SLC15A2: variants seen among roughly 807,000 people sequenced by gnomAD.
SLC15A2 encodes kidney H(+)/peptide cotransporter.
Under a neutral mutation model 95.5 loss-of-function variants are expected in SLC15A2, and 77 were observed. The observed-to-expected ratio is 0.81, with a 90% confidence interval of 0.67 to 0.97. The LOEUF (loss-of-function observed/expected upper bound fraction) is 0.97. SLC15A2 is among the 50% of genes least tolerant of loss of function. The probability of loss-of-function intolerance (pLI) is 0.00; values close to 1 mark genes in which losing one functional copy is unlikely to be tolerated. For missense variants in SLC15A2, 893 were observed against 874.4 expected, an observed-to-expected ratio of 1.02 and a Z score of -0.27; for synonymous variants, 306 against 306.9, an observed-to-expected ratio of 1.00 and a Z score of 0.03.
rs781719515 is a variant in SLC15A2, at chr3:121,897,458, C to T, written c.264C>T (p.Ala88=). The T allele has an allele frequency of 7.4e-6, 12 of 1,614,066 alleles. No homozygotes were observed. Among genetic ancestry groups the T allele is most frequent in the Non-Finnish European group, 1.0e-5 (12 of 1,179,998 alleles). The change falls in exon 3 of 22, where the codon GCC becomes GCT. Residue 88 remains alanine, a synonymous_variant. Coordinates refer to ENST00000489711, the MANE Select transcript of SLC15A2 (RefSeq NM_021082.4). ...NEDTSTSIYH[A]FSSLCYFTPI... is the part of the protein sequence containing the mutation. ...ATACCTCCACATCTATATACCATGC[C>T]TTCAGCAGCCTCTGTTATTTTACTC...
intron 7 of SLC15A2, among the ~76,000 whole-genome samples, chr3:121,920,156 T>A (rs1483426924): frequency 6.6e-6 from 1 of 152,242 alleles, no homozygotes; most frequent in Non-Finnish European, 1.5e-5. Context: ...ACATAAGTCT[T>A]CCTATTATCA....
intron 2 of SLC15A2, 89 bp from the exon 3 acceptor site, chr3:121,897,299 A>T: frequency 6.7e-7 from 1 of 1,501,724 alleles, no homozygotes; most frequent in Non-Finnish European, 9.0e-7. Context: ...CATTATAAAG[A>T]CCAGAGATTA....
At chr3:121,919,417 C>T (rs1709962617) in intron 7 of SLC15A2, among the ~76,000 whole-genome samples, 1 of 152,072 alleles carries the variant, frequency 6.6e-6, no homozygotes, top group Non-Finnish European at 1.5e-5. Context: ...GCTCTGAGCT[C>T]CTAGAGGGGA....
chr3:121,936,282 T>C (rs867977723), intron 19 of SLC15A2, among the ~76,000 whole-genome samples: 2 of 152,270 alleles, frequency 1.3e-5, no homozygotes, highest in East Asian at 1.9e-4. Flanking sequence ...CTATTAGGTC[T>C]GCTTGGTGCA....
At chr3:121,918,687 T>C (rs1709944921) in intron 7 of SLC15A2, among the ~76,000 whole-genome samples, 1 of 152,208 alleles carries the variant, frequency 6.6e-6, no homozygotes, top group Admixed American at 6.5e-5. Flanking sequence ...GTAATAGCGT[T>C]ATCTTGGATA....
rs533775609 is a variant in SLC15A2 at position 121,938,489 on chromosome 3, G to A, written c.1762-860G>A. On this transcript the variant is annotated intron_variant, in intron 19 of 21. Coordinates refer to ENST00000489711, the MANE Select transcript of SLC15A2 (RefSeq NM_021082.4). ...TGGTGCGCCGTTTTTTAAGCCCGTCGGAAAAGCGCAGTATTCCGGTGGGAG... is the reference window on the plus strand; with the variant it reads ...TGGTGCGCCGTTTTTTAAGCCCGTCAGAAAAGCGCAGTATTCCGGTGGGAG... 5.9e-5 allele frequency among the ~76,000 whole-genome samples: 9 copies of A among 152,346 alleles called. No individual in the cohort carries two copies. In the East Asian group the frequency reaches 9.6e-4, roughly 16 times the overall value.
intron 21 of SLC15A2, 23 bp from the exon 22 acceptor site, chr3:121,940,808 C>T: frequency 1.3e-6 from 2 of 1,599,380 alleles, no homozygotes; most frequent in Non-Finnish European, 1.7e-6. Context: ...CCATATTCTT[C>T]TCATATTTAT....
chr3:121,941,941 A>G lies in SLC15A2; in HGVS notation c.*934A>G, dbSNP rs1489313125. The stretch of plus-strand genomic sequence containing the variant: ...TTGCTTATTGCAGCAAATATTCAAT[A>G]ACAACAATGTTTCTATAAGTCCAAC... On this transcript the variant is annotated 3_prime_UTR_variant, in exon 22 of 22. Coordinates refer to ENST00000489711, the MANE Select transcript of SLC15A2 (RefSeq NM_021082.4). 8 of 152,234 alleles carry G rather than the reference A, an allele frequency of 5.3e-5. No individual in the cohort carries two copies. Among genetic ancestry groups the G allele is most frequent in the African/African-American group, 1.9e-4 (8 of 41,460 alleles). The allele number at this position is 152,234 out of a possible 1,614,324, so 9.4% of individuals were successfully genotyped here.
chr3:121,927,876 A>G, intron 14 of SLC15A2, 37 bp downstream of exon 14: 1 of 1,463,414 alleles, frequency 6.8e-7, no homozygotes, highest in East Asian at 2.3e-5. Context: ...TGAGGGCAGG[A>G]TCATATCTTT....
chr3:121,929,254 G>A (rs1281621919), intron 16 of SLC15A2, 48 bp from the exon 17 acceptor site: 15 of 1,609,738 alleles, frequency 9.3e-6, no homozygotes, highest in Non-Finnish European at 1.2e-5. Context: ...TCTGAGTATA[G>A]GTCTTATTTC....
intron 11 of SLC15A2, 29 bp downstream of exon 11, chr3:121,923,295 C>T: frequency 1.3e-6 from 2 of 1,598,994 alleles, no homozygotes; most frequent in Non-Finnish European, 1.7e-6. Context: ...CCAGAGAAGT[C>T]TATTATTTTC....
chr3:121,923,189 G>A, intron 10 of SLC15A2, 33 bp from the exon 11 acceptor site: 1 of 1,613,838 alleles, frequency 6.2e-7, no homozygotes. Flanking sequence ...TCACAGGAAA[G>A]GGATTTCTCA....
chr3:121,936,194 C>T (rs1243404613), intron 19 of SLC15A2, among the ~76,000 whole-genome samples: 1 of 152,004 alleles, frequency 6.6e-6, no homozygotes, highest in Non-Finnish European at 1.5e-5. Flanking sequence ...ACTATGTGGT[C>T]AATTTTGGAA....
chr3:121,909,110 G>A (rs1709712133), intron 3 of SLC15A2, among the ~76,000 whole-genome samples: 2 of 151,532 alleles, frequency 1.3e-5, no homozygotes, highest in Admixed American at 6.6e-5. Flanking sequence ...TCCCAGTCTG[G>A]AGTACAGTGT....
At chr3:121,928,874 AG>A (rs1710173759) in intron 15 of SLC15A2, 107 bp from the exon 16 acceptor site, 1 of 1,168,688 alleles carries the variant, frequency 8.6e-7, no homozygotes, top group African/African-American at 1.5e-5. Context: ...AGGAATTACT[AG>A]GTTGAAAGTG....
At chr3:121,910,981 G>A (rs116516774) in intron 3 of SLC15A2, among the ~76,000 whole-genome samples, 2,556 of 152,272 alleles carry the variant, frequency 0.017, 44 homozygotes, top group Non-Finnish European at 0.029. Context: ...TGTCCCTGAG[G>A]AAACTGTGGT....
chr3:121,914,949 A>C (rs1022846428), intron 5 of SLC15A2: 3 of 1,106,346 alleles, frequency 2.7e-6, no homozygotes, highest in Non-Finnish European at 3.3e-6. Flanking sequence ...AGCTATATAC[A>C]GGATACGGTA....
intron 18 of SLC15A2, among the ~76,000 whole-genome samples, chr3:121,931,288 A>G (rs1710228320): frequency 6.6e-6 from 1 of 152,204 alleles, no homozygotes; most frequent in South Asian, 2.1e-4. Flanking sequence ...GCACTTCATT[A>G]CTTAGAGCTT....
rs1245805169 is a variant in SLC15A2 at position 121,940,900 on chromosome 3, T to C, written c.2083T>C (p.Tyr695His). Residue 695 changes from tyrosine to histidine, a missense_variant, in exon 22 of 22, where the codon TAC becomes CAC. Coordinates refer to ENST00000489711, the MANE Select transcript of SLC15A2 (RefSeq NM_021082.4). ...ICLIFSIMGY[Y>H]YVPVKTEDMR... ...CCTGATCTTCTCCATCATGGGCTACTACTATGTTCCTGTAAAGACAGAGGA... is the reference window on the plus strand; with the variant it reads ...CCTGATCTTCTCCATCATGGGCTACCACTATGTTCCTGTAAAGACAGAGGA... 6.2e-7 allele frequency: 1 copy of C among 1,614,088 alleles called. No individual in the cohort carries two copies. Among genetic ancestry groups the C allele is most frequent in the Non-Finnish European group, 8.5e-7 (1 of 1,180,040 alleles).
Sources: allele counts gnomAD v4.1 joint callset (sites outside exome capture counted in the v4.1 genomes callset), GRCh38; gene constraint gnomAD v4.1.1; transcripts MANE v1.5; gene names NCBI Gene and HGNC (gene_info 2026-07-23, HGNC 2026-07-21).